PPARGC1A: variants seen among roughly 807,000 people sequenced by gnomAD.
PPARGC1A encodes PPARG coactivator 1 alpha, also known as peroxisome proliferator-activated receptor gamma coactivator 1-alpha.
In PPARGC1A, 25 loss-of-function variants were observed where a neutral mutation model predicts 88.7. That is an observed-to-expected ratio of 0.28 (90% CI 0.21 to 0.39). The LOEUF is 0.39. Ranked by LOEUF, PPARGC1A falls within the 10% of genes least tolerant of loss-of-function variation. The probability of loss-of-function intolerance (pLI) is 1.00; values close to 1 mark genes in which losing one functional copy is unlikely to be tolerated. For synonymous variants in PPARGC1A, 363 were observed against 355.6 expected, an observed-to-expected ratio of 1.02 and a Z score of -0.24; for missense variants, 880 against 968.7, an observed-to-expected ratio of 0.91 and a Z score of 1.22.
chr4:24,203,858 C>G, the PPARGC1A span, among the ~76,000 whole-genome samples: 2 of 152,240 alleles, frequency 1.3e-5, no homozygotes, highest in Non-Finnish European at 2.9e-5. Context: ...GGACTTGACT[C>G]TATGCCTATA....
the PPARGC1A span, among the ~76,000 whole-genome samples, chr4:24,305,923 C>T: frequency 8.5e-5 from 13 of 152,306 alleles, no homozygotes; most frequent in Admixed American, 1.3e-4. Flanking sequence ...GGATATCTAG[C>T]TGGCTGGGTT....
At chr4:24,418,859 A>G in the PPARGC1A span, among the ~76,000 whole-genome samples, 1 of 152,308 alleles carries the variant, frequency 6.6e-6, no homozygotes, top group East Asian at 1.9e-4. Context: ...ATGTCAGTCA[A>G]TTCCTCATCT....
the PPARGC1A span, among the ~76,000 whole-genome samples, chr4:24,006,762 T>C: frequency 1.3e-5 from 2 of 152,046 alleles, no homozygotes; most frequent in African/African-American, 4.8e-5. Context: ...CGTGTGTAGC[T>C]AGATGTGCCT....
the PPARGC1A span, among the ~76,000 whole-genome samples, chr4:24,026,193 G>C: frequency 6.6e-6 from 1 of 152,150 alleles, no homozygotes; most frequent in Admixed American, 6.5e-5. Flanking sequence ...TTTCCTTACA[G>C]TGGAATATAT....
chr4:24,441,022 G>C, the PPARGC1A span, among the ~76,000 whole-genome samples: 38 of 152,204 alleles, frequency 2.5e-4, no homozygotes, highest in African/African-American at 9.1e-4. Flanking sequence ...TGGCTCACAG[G>C]TTCCCCACCA....
upstream of PPARGC1A, among the ~76,000 whole-genome samples, chr4:23,899,556 A>G (rs1719043997): frequency 6.6e-6 from 1 of 152,218 alleles, no homozygotes; most frequent in African/African-American, 2.4e-5. Flanking sequence ...GGGATTTTAT[A>G]CTTGAAAGTA....
chr4:23,822,492 T>G (rs1723180994), intron 7 of PPARGC1A, among the ~76,000 whole-genome samples: 1 of 152,116 alleles, frequency 6.6e-6, no homozygotes, highest in Admixed American at 6.6e-5. Context: ...TAAAAAACTC[T>G]TTTGGCCAAT....
the PPARGC1A span, among the ~76,000 whole-genome samples, chr4:24,254,172 T>C: frequency 1.3e-5 from 2 of 152,220 alleles, no homozygotes; most frequent in African/African-American, 4.8e-5. Flanking sequence ...TACTGGATGG[T>C]TACGAACTGC....
chr4:23,929,442 C>T, the PPARGC1A span, among the ~76,000 whole-genome samples: 1 of 152,126 alleles, frequency 6.6e-6, no homozygotes, highest in African/African-American at 2.4e-5. Context: ...ACAGCACATG[C>T]AAGTTTGGAG....
chr4:24,405,629 G>A, the PPARGC1A span, among the ~76,000 whole-genome samples: 2 of 152,122 alleles, frequency 1.3e-5, no homozygotes, highest in South Asian at 2.1e-4. Context: ...ATTACATCAC[G>A]GCTGGGGATT....
the PPARGC1A span, among the ~76,000 whole-genome samples, chr4:24,185,764 T>A: frequency 4.0e-5 from 6 of 151,846 alleles, no homozygotes; most frequent in Admixed American, 1.3e-4. Context: ...ATTAGGTATA[T>A]CTCCCAATGC....
the PPARGC1A span, among the ~76,000 whole-genome samples, chr4:24,067,677 C>A: frequency 6.6e-6 from 1 of 152,178 alleles, no homozygotes; most frequent in Non-Finnish European, 1.5e-5. Context: ...ATGTTTAAGA[C>A]CGTCTGTCCT....
the PPARGC1A span, among the ~76,000 whole-genome samples, chr4:23,946,846 A>G: frequency 4.6e-5 from 7 of 151,882 alleles, no homozygotes; most frequent in African/African-American, 9.7e-5. Context: ...ACACACACAT[A>G]CATGTATGTA....
intron 2 of PPARGC1A, among the ~76,000 whole-genome samples, chr4:23,843,136 C>T (rs1201091077): frequency 6.6e-6 from 1 of 152,042 alleles, no homozygotes; most frequent in East Asian, 1.9e-4. Context: ...TGACTATCAC[C>T]ATTATCATAA....
chr4:24,228,404 A>G, the PPARGC1A span, among the ~76,000 whole-genome samples: 1 of 152,212 alleles, frequency 6.6e-6, no homozygotes, highest in East Asian at 1.9e-4. Context: ...AGAAACTCAA[A>G]TACCAGATCT....
chr4:24,016,790 G>A, the PPARGC1A span, among the ~76,000 whole-genome samples: 4 of 152,110 alleles, frequency 2.6e-5, no homozygotes, highest in African/African-American at 9.7e-5. Flanking sequence ...AAATATCAGA[G>A]GACAAATTAC....
At chr4:24,208,682 A>AAAAAAAAAAATATAT in the PPARGC1A span, among the ~76,000 whole-genome samples, 1 of 135,000 alleles carries the variant, frequency 7.4e-6, no homozygotes, top group African/African-American at 2.7e-5. Context: ...TCAGAAAAAA[A>AAAAAAAAAAATATAT]ATATATATAT....
the PPARGC1A span, among the ~76,000 whole-genome samples, chr4:24,017,841 A>C: frequency 6.6e-6 from 1 of 152,228 alleles, no homozygotes; most frequent in African/African-American, 2.4e-5. Context: ...AAAGTATGAT[A>C]GCTTTGGGAC....
the PPARGC1A span, among the ~76,000 whole-genome samples, chr4:24,369,055 T>G: frequency 6.6e-6 from 1 of 152,170 alleles, no homozygotes; most frequent in Non-Finnish European, 1.5e-5. Context: ...AGAAGGGGAC[T>G]GAAGCCTGGC....
Sources: allele counts gnomAD v4.1 joint callset (sites outside exome capture counted in the v4.1 genomes callset), GRCh38; gene constraint gnomAD v4.1.1; transcripts MANE v1.5; gene names NCBI Gene and HGNC (gene_info 2026-07-23, HGNC 2026-07-21).